The following PSMD13 variants were observed in gnomAD, a reference collection of about 807,000 sequenced individuals.
The protein encoded by PSMD13 is 26S proteasome non-ATPase regulatory subunit 13.
In PSMD13, 8 loss-of-function variants were observed where a neutral mutation model predicts 57.4. The ratio of observed to expected loss-of-function variants is 0.14; its 90% confidence interval spans 0.08 to 0.25. The LOEUF (loss-of-function observed/expected upper bound fraction) is 0.25, where lower values mean the gene tolerates loss of function less well. PSMD13 is among the 10% of genes least tolerant of loss of function. The probability of loss-of-function intolerance (pLI) is 1.00; values close to 1 mark genes in which losing one functional copy is unlikely to be tolerated. For missense variants in PSMD13, 400 were observed against 461.5 expected, an observed-to-expected ratio of 0.87 and a Z score of 1.22; for synonymous variants, 193 against 168.2, an observed-to-expected ratio of 1.15 and a Z score of -1.14.
chr11:237,295 G>C lies in PSMD13; in HGVS notation c.95+151G>C, dbSNP rs1859304298. On this transcript the variant is annotated intron_variant, in intron 1 of 12. Coordinates refer to ENST00000532097, the MANE Select transcript of PSMD13 (RefSeq NM_002817.4). ...GTGTAGCGACCGGCTGTGCCGGCAAGGTTTGCTGAGGAACCTTGAGTGGCA... is the reference window on the plus strand; with the variant it reads ...GTGTAGCGACCGGCTGTGCCGGCAACGTTTGCTGAGGAACCTTGAGTGGCA... 3.0e-5 allele frequency: 21 copies of C among 698,010 alleles called. 1 individual carries two copies. In the South Asian group the frequency reaches 3.5e-4, roughly 12 times the overall value. 43.2% of individuals were successfully genotyped at this position (698,010 alleles called of 1,614,324 possible).
In PSMD13 at chr11:244,166, A is replaced by G. The variant is rs1193732423; in HGVS notation, c.215A>G (p.Asn72Ser). The change falls in exon 4 of 13, where the codon AAC (asparagine) becomes AGC (serine). Residue 72 changes from asparagine (N) to serine (S), a missense_variant. Transcript: ENST00000532097. ...GCTGGTGGCTTTTATTTCAGGGTGA[A>G]CCCTTTGTCCCTCGTGGAAATCATT... Reference protein sequence around the residue: ...NFISEFEHRVNPLSLVEIILH... With the variant: ...NFISEFEHRVSPLSLVEIILH... 1 of 1,609,244 alleles carries G rather than the reference A, an allele frequency of 6.2e-7. No individual in the cohort carries two copies. Among genetic ancestry groups the G allele is most frequent in the Admixed American group, 1.7e-5 (1 of 59,878 alleles).
chr11:246,274 C>T (rs1483856409), intron 6 of PSMD13, among the ~76,000 whole-genome samples: 2 of 152,086 alleles, frequency 1.3e-5, no homozygotes, highest in African/African-American at 2.4e-5. Flanking sequence ...GAGGCTGAGG[C>T]AGGTGGATCA....
intron 4 of PSMD13, 50 bp downstream of exon 4, chr11:244,266 A>G (rs758584343): frequency 6.3e-7 from 1 of 1,595,070 alleles, no homozygotes; most frequent in Non-Finnish European, 8.5e-7. Context: ...GGTGGTTAAA[A>G]TTGAAATATA....
chr11:238,895 A>T, intron 1 of PSMD13, 103 bp from the exon 2 acceptor site: 1 of 1,136,792 alleles, frequency 8.8e-7, no homozygotes, highest in Admixed American at 1.8e-5. Flanking sequence ...GTTTTGGATT[A>T]GAGATACCCA....
chr11:246,572 G>A (rs1244833533), intron 6 of PSMD13, among the ~76,000 whole-genome samples: 1 of 152,230 alleles, frequency 6.6e-6, no homozygotes, highest in South Asian at 2.1e-4. Context: ...TTCTGTGCCT[G>A]GTCCCTTGTG....
Position 240,101 on chromosome 11 carries a change from CTTTTTTTTTTT to C in PSMD13, c.174+1042_174+1052del, listed in dbSNP as rs60869932. 4.9e-4 allele frequency among the ~76,000 whole-genome samples: 25 copies of C among 51,430 alleles called. 2 individuals are homozygous for C. The East Asian group carries it at 9.0e-3, about 19-fold the overall frequency. 33.7% of individuals were successfully genotyped at this position (51,430 alleles called of 152,430 possible). On this transcript the variant is annotated intron_variant, in intron 2 of 12. Transcript: ENST00000532097. The stretch of plus-strand genomic sequence containing the variant: ...GTGGGAAAATGATAAATGAGACCTG[CTTTTTTTTTTT>C]TTTTTTTTTTTTTTTTGACGGAGTT...
intron 9 of PSMD13, among the ~76,000 whole-genome samples, chr11:249,360 G>T (rs1016527027): frequency 6.6e-6 from 1 of 152,090 alleles, no homozygotes; most frequent in Non-Finnish European, 1.5e-5. Flanking sequence ...CCTAAGGTCT[G>T]TGTGACCTTA....
chr11:249,189 C>T, intron 9 of PSMD13, 132 bp downstream of exon 9: 1 of 1,300,624 alleles, frequency 7.7e-7, no homozygotes, highest in Non-Finnish European at 1.1e-6. Flanking sequence ...TAGGCTAGTC[C>T]TTGCTCTCAT....
In PSMD13 at chr11:244,235, T is replaced by C; in HGVS notation, c.265+19T>C. The stretch of plus-strand genomic sequence containing the variant: ...ATGACTGGTAAGTCTCACTTTGTTT[T>C]ATAAAGGAGCAGATCCAAATGGTGG... On this transcript the variant is annotated intron_variant, in intron 4 of 12. Transcript: ENST00000532097. 6.2e-7 allele frequency: 1 copy of C among 1,607,980 alleles called. No individual in the cohort carries two copies. The highest frequency in any genetic ancestry group is 8.5e-7 in the Non-Finnish European group (1 of 1,178,238).
intron 1 of PSMD13, 51 bp downstream of exon 1, chr11:237,195 G>T (rs1337587089): frequency 1.9e-6 from 3 of 1,542,260 alleles, no homozygotes; most frequent in Non-Finnish European, 2.7e-6. Flanking sequence ...GGGAGACGGA[G>T]GGGGCAGGCG....
chr11:251,479 C>A lies in PSMD13; in HGVS notation c.838-67C>A. 1.5e-6 allele frequency: 2 copies of A among 1,368,310 alleles called. No individual in the cohort carries two copies. Among genetic ancestry groups the A allele is most frequent in the Non-Finnish European group, 2.0e-6 (2 of 984,178 alleles). 84.8% of individuals were successfully genotyped at this position (1,368,310 alleles called of 1,614,324 possible). On this transcript the variant is annotated intron_variant, in intron 10 of 12. Coordinates refer to ENST00000532097, the MANE Select transcript of PSMD13 (RefSeq NM_002817.4). The surrounding 1 kb of genome is among the most constrained non-coding windows in gnomAD (Gnocchi z 4.6). ...ATTTTCAGAGCCAATATTGACAAAA[C>A]ATCCTTATCAGTTCTCTATTTTTAT... is the stretch of plus-strand genomic sequence containing the variant.
At position 251,932 on chromosome 11, in the gene PSMD13, A is replaced by G. The variant is rs1376430000; in HGVS notation, c.1031A>G (p.Gln344Arg). Reference protein sequence around the residue: ...TWVQPRVLDLQQIKGMKDRLE... With the variant: ...TWVQPRVLDLRQIKGMKDRLE... ...GTGCAGCCCCGAGTGTTGGATTTGC[A>G]ACAGGTGATGTGTTTGAAACCCATT... The change falls in exon 12 of 13, where the codon CAA (glutamine) becomes CGA (arginine). Residue 344 changes from glutamine (Q) to arginine (R), a missense_variant. Coordinates refer to ENST00000532097, the MANE Select transcript of PSMD13 (RefSeq NM_002817.4). The surrounding 1 kb of genome is among the most constrained non-coding windows in gnomAD (Gnocchi z 4.6). 2.5e-6 allele frequency: 4 copies of G among 1,613,080 alleles called. No homozygotes were observed. The Admixed American group carries it at 5.0e-5, about 20-fold the overall frequency.
chr11:245,451 G>A (rs1439401992), intron 6 of PSMD13, among the ~76,000 whole-genome samples: 2 of 152,186 alleles, frequency 1.3e-5, no homozygotes, highest in African/African-American at 4.8e-5. Flanking sequence ...ACCAAGGTCA[G>A]CCTACACACC....
At chr11:248,727 G>T (rs1368813954) in intron 7 of PSMD13, 49 bp from the exon 8 acceptor site, 1 of 1,547,644 alleles carries the variant, frequency 6.5e-7, no homozygotes, top group Non-Finnish European at 8.9e-7. Context: ...AGCTAAACAG[G>T]ACTGATTATT....
In PSMD13 at chr11:245,242, C is replaced by A. The variant is rs569578153; in HGVS notation, c.396+481C>A. ...ACAGCCGTGAGCCGCTGCGCCCAGC[C>A]CCCCCGATTGCTAACCTTTTACCGC... On this transcript the variant is annotated intron_variant, in intron 6 of 12. Coordinates refer to ENST00000532097, the MANE Select transcript of PSMD13 (RefSeq NM_002817.4). 3.3e-5 allele frequency among the ~76,000 whole-genome samples: 5 copies of A among 152,270 alleles called. No individual in the cohort carries two copies. In the East Asian group the frequency reaches 7.7e-4, roughly 23 times the overall value.
intron 2 of PSMD13, among the ~76,000 whole-genome samples, chr11:241,170 C>T (rs1381550167): frequency 4.2e-5 from 6 of 143,514 alleles, no homozygotes; most frequent in East Asian, 2.2e-4. Flanking sequence ...GACAGAGTCT[C>T]GCACTGTCGC....
At chr11:243,730 A>C (rs1316691043) in intron 2 of PSMD13, among the ~76,000 whole-genome samples, 1 of 152,238 alleles carries the variant, frequency 6.6e-6, no homozygotes, top group African/African-American at 2.4e-5. Flanking sequence ...TTTAGCTTAC[A>C]GTACCTGGAA....
chr11:248,847 G>A lies in PSMD13; in HGVS notation c.640G>A (p.Gly214Arg). 6.2e-7 allele frequency: 1 copy of A among 1,614,124 alleles called. No homozygotes were observed. The highest frequency in any genetic ancestry group is 1.1e-5 in the South Asian group (1 of 91,080). Reference sequence around the variant, plus strand: ...TCTCGGCGAGGGAGTTTTTAACTTTGGAGAACTCGTAAGTTGACCCTGAGC... The same window carrying A: ...TCTCGGCGAGGGAGTTTTTAACTTTAGAGAACTCGTAAGTTGACCCTGAGC... ...GLLGEGVFNF[G>R]ELLMHPVLES... The change falls in exon 8 of 13, where the codon GGA becomes AGA. Residue 214 changes from glycine (G) to arginine (R), a missense_variant. Gly to Arg is a moderately radical substitution (Grantham distance 125, BLOSUM62 -2). Coordinates refer to ENST00000532097, the MANE Select transcript of PSMD13 (RefSeq NM_002817.4).
At chr11:240,568 A>C (rs1590246133) in intron 2 of PSMD13, among the ~76,000 whole-genome samples, 1 of 152,352 alleles carries the variant, frequency 6.6e-6, no homozygotes, top group African/African-American at 2.4e-5. Flanking sequence ...ATGTTTATTT[A>C]GGTTGGCAGA....
Sources: allele counts gnomAD v4.1 joint callset (sites outside exome capture counted in the v4.1 genomes callset), GRCh38; gene constraint gnomAD v4.1.1; non-coding constraint Gnocchi (gnomAD v3.1); transcripts MANE v1.5; gene names NCBI Gene and HGNC (gene_info 2026-07-23, HGNC 2026-07-21).